Variants in CCDC178 observed in about 807,000 individuals in gnomAD.
The protein encoded by CCDC178 is coiled-coil domain containing 178, also known as coiled-coil domain-containing protein 178.
CCDC178 carries 126 observed loss-of-function variants against 117.4 expected under a neutral mutation model. The ratio of observed to expected loss-of-function variants is 1.07; its 90% CI spans 0.93 to 1.24. The LOEUF (loss-of-function observed/expected upper bound fraction) is 1.24. Ranked by LOEUF, CCDC178 falls within the 50% of genes most tolerant of loss-of-function variation. CCDC178 has a pLI of 0.00. For missense variants in CCDC178, 1,030 were observed against 986.9 expected, an observed-to-expected ratio of 1.04 and a Z score of -0.59; for synonymous variants, 283 against 313.4, an observed-to-expected ratio of 0.90 and a Z score of 1.02.
At chr18:33,115,053 G>C (rs2057836150) in intron 20 of CCDC178, among the ~76,000 whole-genome samples, 1 of 152,054 alleles carries the variant, frequency 6.6e-6, no homozygotes, top group African/African-American at 2.4e-5. Flanking sequence ...GCACCAGAGA[G>C]AGGAAACTGA....
At chr18:33,320,690 TC>T (rs2062495604) in intron 11 of CCDC178, among the ~76,000 whole-genome samples, 2 of 152,054 alleles carry the variant, frequency 1.3e-5, no homozygotes, top group Non-Finnish European at 2.9e-5. Flanking sequence ...TTCAATGCCA[TC>T]CCCATCAAGC....
In CCDC178 at chr18:33,313,584, T is replaced by C. The variant is rs145686717; in HGVS notation, c.1022+9907A>G. 3.9e-5 allele frequency among the ~76,000 whole-genome samples: 6 copies of C among 152,222 alleles called. No individual in the cohort carries two copies. The East Asian group carries it at 1.2e-3, about 30-fold the overall frequency. On this transcript the variant is annotated intron_variant, in intron 11 of 22. Coordinates refer to ENST00000383096, the MANE Select transcript of CCDC178 (RefSeq NM_001105528.4). ...TTTTTAAAAAAGCCCATTCTAACAC[T>C]CTGGCCAGGAAGTCCTTTATAACTG...
intron 21 of CCDC178, among the ~76,000 whole-genome samples, chr18:33,026,428 G>A (rs1272966375): frequency 4.0e-5 from 6 of 151,740 alleles, no homozygotes; most frequent in Non-Finnish European, 5.9e-5. Context: ...AAAATACCTC[G>A]GAATAAAAGT....
At chr18:33,092,510 CTCA>C (rs2057481381) in intron 21 of CCDC178, among the ~76,000 whole-genome samples, 1 of 152,116 alleles carries the variant, frequency 6.6e-6, no homozygotes, top group East Asian at 1.9e-4. Flanking sequence ...ATTGGCATTT[CTCA>C]TCATATTAAT....
intron 21 of CCDC178, among the ~76,000 whole-genome samples, chr18:33,002,883 C>T (rs76453168): frequency 0.016 from 2,447 of 152,082 alleles, 24 homozygotes; most frequent in Non-Finnish European, 0.023. Flanking sequence ...GGGTCATTAG[C>T]AGCTACTGTG....
intron 5 of CCDC178, among the ~76,000 whole-genome samples, chr18:33,373,704 C>T (rs1451532998): frequency 1.3e-5 from 2 of 152,078 alleles, no homozygotes; most frequent in African/African-American, 2.4e-5. Flanking sequence ...ATCTATCTTC[C>T]CCATGAAGTT....
Position 33,144,429 on chromosome 18 carries a change from A to C in CCDC178, c.2239-51519T>G, listed in dbSNP as rs73419442. On this transcript the variant is annotated intron_variant, in intron 20 of 22. Transcript: ENST00000383096. ...CAACATTATAATGGGTCATACTTTA[A>C]TATTAAGTTCTTTACAAATTATAAA... Among the ~76,000 whole-genome samples, 1,194 of 152,182 alleles carry C rather than the reference A, an allele frequency of 7.8e-3. 13 individuals are homozygous for C. Among genetic ancestry groups the C allele is most frequent in the African/African-American group, 0.027 (1,112 of 41,540 alleles).
chr18:33,336,752 A>G (rs1272374849), intron 9 of CCDC178, among the ~76,000 whole-genome samples: 1 of 152,106 alleles, frequency 6.6e-6, no homozygotes, highest in African/African-American at 2.4e-5. Flanking sequence ...ACCCAGACAG[A>G]TAAAATTTTA....
chr18:33,405,289 T>C (rs987557674), intron 3 of CCDC178, among the ~76,000 whole-genome samples: 1 of 151,686 alleles, frequency 6.6e-6, no homozygotes, highest in Non-Finnish European at 1.5e-5. Context: ...ATTATACTTA[T>C]AATGCATCTG....
rs548599843 is a variant in CCDC178, at chr18:33,041,447, G to GA, written c.2388+51313dup. 1.8e-3 allele frequency among the ~76,000 whole-genome samples: 277 copies of GA among 150,288 alleles called. 2 individuals carry two copies. The highest frequency in any genetic ancestry group is 6.5e-3 in the African/African-American group (266 of 41,224). On this transcript the variant is annotated intron_variant, in intron 21 of 22. Coordinates refer to ENST00000383096, the MANE Select transcript of CCDC178 (RefSeq NM_001105528.4). ...ATAATGTATAATATATGTTATATTAGAAAAAATCTAATGATATATTAAAAA... is the reference window on the plus strand; with the variant it reads ...ATAATGTATAATATATGTTATATTAGAAAAAAATCTAATGATATATTAAAAA...
chr18:33,164,485 T>C (rs1466772249), intron 20 of CCDC178, among the ~76,000 whole-genome samples: 1 of 152,060 alleles, frequency 6.6e-6, no homozygotes, highest in East Asian at 1.9e-4. Flanking sequence ...TTGTATCTAC[T>C]GATAATTACC....
At chr18:33,267,141 A>T in intron 13 of CCDC178, 61 bp downstream of exon 13, 1 of 1,527,578 alleles carries the variant, frequency 6.5e-7, no homozygotes, top group South Asian at 1.2e-5. Context: ...TAGATATATG[A>T]GTTAATATTT....
At chr18:33,436,120 TAAC>T (rs1396732623) in intron 2 of CCDC178, among the ~76,000 whole-genome samples, 1 of 152,086 alleles carries the variant, frequency 6.6e-6, no homozygotes, top group Non-Finnish European at 1.5e-5. Flanking sequence ...TAATTAACAT[TAAC>T]AATTTCTAGA....
At chr18:33,246,774 GGCTAAAGACACATAGAGAGCAAGGA>G (rs1432549748) in intron 14 of CCDC178, among the ~76,000 whole-genome samples, 1 of 151,668 alleles carries the variant, frequency 6.6e-6, no homozygotes, top group African/African-American at 2.4e-5. Context: ...CACTGACTGG[GGCTAAAGACACATAGAGAGCAAGGA>G]GCAAAGGCAT....
chr18:33,120,762 T>C (rs972881569), intron 20 of CCDC178, among the ~76,000 whole-genome samples: 3 of 152,170 alleles, frequency 2.0e-5, no homozygotes, highest in Non-Finnish European at 2.9e-5. Flanking sequence ...TAACCAAATA[T>C]TTTTGTTTTC....
At chr18:33,217,087 G>A (rs1467926508) in intron 18 of CCDC178, among the ~76,000 whole-genome samples, 1 of 152,006 alleles carries the variant, frequency 6.6e-6, no homozygotes, top group East Asian at 1.9e-4. Flanking sequence ...ATATATTTAT[G>A]ATCTGGTCAT....
intron 20 of CCDC178, among the ~76,000 whole-genome samples, chr18:33,108,127 C>A (rs568766661): frequency 7.9e-5 from 12 of 151,500 alleles, no homozygotes; most frequent in South Asian, 4.2e-4. Flanking sequence ...ATACATTTCC[C>A]TTTTTGACCT....
At chr18:33,426,289 T>C (rs988136129) in intron 2 of CCDC178, among the ~76,000 whole-genome samples, 1 of 152,208 alleles carries the variant, frequency 6.6e-6, no homozygotes, top group Admixed American at 6.5e-5. Context: ...TTGTTTCCTT[T>C]AGTAACATTA....
intron 22 of CCDC178, among the ~76,000 whole-genome samples, chr18:32,939,558 T>C (rs1177018918): frequency 6.6e-6 from 1 of 152,168 alleles, no homozygotes; most frequent in Non-Finnish European, 1.5e-5. Flanking sequence ...ATTTTCTTTT[T>C]ATTGGGAAAG....
Sources: gnomAD v4.1 joint callset for allele counts (sites outside exome capture counted in the v4.1 genomes callset) on GRCh38, gnomAD v4.1.1 for gene constraint, MANE v1.5 for transcripts, NCBI Gene and HGNC (gene_info 2026-07-23, HGNC 2026-07-21) for gene names.